ARHGEF28: variants seen among roughly 807,000 people sequenced by gnomAD.
The protein encoded by ARHGEF28 is Rho guanine nucleotide exchange factor 28, also known as 190 kDa guanine nucleotide exchange factor.
Under a neutral mutation model 206.6 loss-of-function variants are expected in ARHGEF28, and 152 were observed. The ratio of observed to expected loss-of-function variants is 0.74; its 90% CI spans 0.64 to 0.84. The LOEUF (loss-of-function observed/expected upper bound fraction) is 0.84, where lower values mean the gene tolerates loss of function less well. Among genes scored for constraint, ARHGEF28 ranks in the 40% least tolerant of loss-of-function variants. The pLI, the probability that ARHGEF28 is intolerant of heterozygous loss-of-function variation, is 0.00. For missense variants in ARHGEF28, 2,028 were observed against 2,073.2 expected (o/e 0.98, Z 0.42); for synonymous variants, 763 against 776.4 (o/e 0.98, Z 0.29).
At chr5:73,633,923 A>G (rs1307750518) in intron 1 of ARHGEF28, among the ~76,000 whole-genome samples, 6 of 152,102 alleles carry the variant, frequency 3.9e-5, no homozygotes, top group African/African-American at 1.4e-4. Flanking sequence ...GTTCATAGTC[A>G]TCTCAAAATT....
At chr5:73,664,729 C>A (rs1407319887) in intron 1 of ARHGEF28, among the ~76,000 whole-genome samples, 2 of 152,158 alleles carry the variant, frequency 1.3e-5, no homozygotes, top group Non-Finnish European at 2.9e-5. Flanking sequence ...TTGCAAGTAG[C>A]AACTCCCTTG....
At chr5:73,813,144 A>G (rs1249644427) in intron 9 of ARHGEF28, among the ~76,000 whole-genome samples, 2 of 152,124 alleles carry the variant, frequency 1.3e-5, no homozygotes, top group Non-Finnish European at 2.9e-5. Context: ...CTGAGAAGCA[A>G]TATTCTCACT....
intron 2 of ARHGEF28, among the ~76,000 whole-genome samples, chr5:73,702,101 G>C (rs1318250721): frequency 1.3e-5 from 2 of 152,168 alleles, no homozygotes; most frequent in South Asian, 4.1e-4. Context: ...CAGAATGGCT[G>C]TATCATTTTA....
At chr5:73,729,855 T>C (rs1033507415) in intron 2 of ARHGEF28, among the ~76,000 whole-genome samples, 1 of 152,230 alleles carries the variant, frequency 6.6e-6, no homozygotes, top group Admixed American at 6.5e-5. Context: ...ACACACTAAC[T>C]ATTGTTTTAA....
chr5:73,856,833 T>C (rs1010968340), intron 14 of ARHGEF28, among the ~76,000 whole-genome samples: 3 of 152,254 alleles, frequency 2.0e-5, no homozygotes, highest in Admixed American at 2.0e-4. Flanking sequence ...TCTACAGAAG[T>C]GTTACCTGGT....
rs150072301 is a variant in ARHGEF28 at position 73,748,282 on chromosome 5, G to A, written c.34-1555G>A. ...TTGCTTTTCTATTGATTACGTTTAT[G>A]TGTGCACATACACACGCATGCTCAT... On this transcript the variant is annotated intron_variant, in intron 2 of 35. Coordinates refer to ENST00000513042, the MANE Select transcript of ARHGEF28 (RefSeq NM_001177693.2). Among the ~76,000 whole-genome samples, 398 of 152,210 alleles carry A rather than the reference G, an allele frequency of 2.6e-3. 3 individuals carry two copies. Among genetic ancestry groups the A allele is most frequent in the African/African-American group, 8.7e-3 (363 of 41,514 alleles).
chr5:73,709,307 T>G (rs1303794386), intron 2 of ARHGEF28, among the ~76,000 whole-genome samples: 2 of 146,916 alleles, frequency 1.4e-5, no homozygotes, highest in Non-Finnish European at 2.9e-5. Context: ...AACACTTCCA[T>G]CACCTATCAA....
intron 2 of ARHGEF28, among the ~76,000 whole-genome samples, chr5:73,716,137 T>C (rs933016674): frequency 6.6e-6 from 1 of 152,220 alleles, no homozygotes; most frequent in African/African-American, 2.4e-5. Context: ...TAATTTTTTT[T>C]TTATGACAAG....
chr5:73,633,657 A>C (rs1743519222), intron 1 of ARHGEF28, among the ~76,000 whole-genome samples: 1 of 146,560 alleles, frequency 6.8e-6, no homozygotes, highest in South Asian at 2.2e-4. Context: ...GCTCACTGCA[A>C]CCTCCGCCTC....
chr5:73,810,306 A>T (rs1755765857), intron 9 of ARHGEF28, among the ~76,000 whole-genome samples: 1 of 152,174 alleles, frequency 6.6e-6, no homozygotes, highest in Non-Finnish European at 1.5e-5. Flanking sequence ...TCTCACATGT[A>T]TTGGTTAGGT....
chr5:73,924,304 G>A (rs891206670), intron 35 of ARHGEF28, among the ~76,000 whole-genome samples: 2 of 152,172 alleles, frequency 1.3e-5, no homozygotes, highest in Non-Finnish European at 2.9e-5. Context: ...TGGGAATTAT[G>A]CCTAGGTTCA....
intron 35 of ARHGEF28, among the ~76,000 whole-genome samples, chr5:73,926,089 C>A (rs532408413): frequency 5.3e-5 from 8 of 152,160 alleles, no homozygotes; most frequent in African/African-American, 1.9e-4. Context: ...TTTTGTTCAA[C>A]GTGATTTTCC....
In ARHGEF28 at chr5:73,922,547, C is replaced by G. The variant is rs1204766957; in HGVS notation, c.4948+10972C>G. Among the ~76,000 whole-genome samples the G allele has an allele frequency of 2.6e-5, 4 of 152,158 alleles. No homozygotes were observed. In the East Asian group the frequency reaches 7.7e-4, roughly 29 times the overall value. The stretch of plus-strand genomic sequence containing the variant: ...TGTGCCCTTGCAGTTAACTGTTTAA[C>G]TATGATGGATTTTTTTTTCTAATTT... On this transcript the variant is annotated intron_variant, in intron 35 of 35. Coordinates refer to ENST00000513042, the MANE Select transcript of ARHGEF28 (RefSeq NM_001177693.2).
intron 4 of ARHGEF28, among the ~76,000 whole-genome samples, chr5:73,757,640 C>T (rs1267420980): frequency 2.6e-5 from 4 of 152,058 alleles, no homozygotes; most frequent in Non-Finnish European, 2.9e-5. Context: ...GTATCTTACC[C>T]GTCATTAGTC....
intron 16 of ARHGEF28, 23 bp downstream of exon 16, chr5:73,858,242 G>A (rs141273307): frequency 9.2e-5 from 142 of 1,546,358 alleles, no homozygotes; most frequent in Non-Finnish European, 1.1e-4. Flanking sequence ...GTCTATGTGC[G>A]CTGTCTTTGT....
At chr5:73,903,222 G>C (rs904290630) in intron 31 of ARHGEF28, 1 of 152,148 alleles carries the variant, frequency 6.6e-6, no homozygotes, top group African/African-American at 2.4e-5. Context: ...GCTTTTTATG[G>C]CTTAAAATTA....
Position 73,632,369 on chromosome 5 carries a change from C to A in ARHGEF28, c.-12+6047C>A, listed in dbSNP as rs1743422772. ...ATCTGAGTCTTTGGATTGAAAGAAACCTAAAAGTTTTTCTCTAGTCTCCAG... is the reference window on the plus strand; with the variant it reads ...ATCTGAGTCTTTGGATTGAAAGAAAACTAAAAGTTTTTCTCTAGTCTCCAG... On this transcript the variant is annotated intron_variant, in intron 1 of 35. Coordinates refer to ENST00000513042, the MANE Select transcript of ARHGEF28 (RefSeq NM_001177693.2). Among the ~76,000 whole-genome samples the A allele has an allele frequency of 2.0e-5, 3 of 152,138 alleles. No homozygotes were observed. In the South Asian group the frequency reaches 6.2e-4, roughly 32 times the overall value.
At chr5:73,851,685 C>T (rs1758714953) in intron 13 of ARHGEF28, among the ~76,000 whole-genome samples, 1 of 152,140 alleles carries the variant, frequency 6.6e-6, no homozygotes, top group African/African-American at 2.4e-5. Context: ...GGCTTATTCT[C>T]TTGGTACTTC....
At chr5:73,936,406 A>G (rs992022713) in intron 35 of ARHGEF28, among the ~76,000 whole-genome samples, 1 of 152,240 alleles carries the variant, frequency 6.6e-6, no homozygotes, top group African/African-American at 2.4e-5. Flanking sequence ...TGATTTTGAA[A>G]TGCTGCATAC....
Sources: allele counts gnomAD v4.1 joint callset (sites outside exome capture counted in the v4.1 genomes callset), GRCh38; gene constraint gnomAD v4.1.1; transcripts MANE v1.5; gene names NCBI Gene and HGNC (gene_info 2026-07-23, HGNC 2026-07-21).